ARSG: variants seen among roughly 807,000 people sequenced by gnomAD.
ARSG encodes ASG.
A neutral mutation model predicts 50.5 loss-of-function variants in ARSG; 37 were observed. The observed-to-expected ratio is 0.73, with a 90% CI of 0.56 to 0.96. The LOEUF (loss-of-function observed/expected upper bound fraction) is 0.96, where lower values mean the gene tolerates loss of function less well. Ranked by LOEUF, ARSG falls within the 50% of genes least tolerant of loss-of-function variation. The pLI, the probability that ARSG is intolerant of heterozygous loss-of-function variation, is 0.00. For synonymous variants in ARSG, 225 were observed against 254.6 expected, an observed-to-expected ratio of 0.88 and a Z score of 1.11; for missense variants, 629 against 675.3, an observed-to-expected ratio of 0.93 and a Z score of 0.76.
chr17:68,300,855 TA>T (rs1200195007), intron 1 of ARSG, among the ~76,000 whole-genome samples: 447 of 139,206 alleles, frequency 3.2e-3, no homozygotes, highest in Middle Eastern at 3.7e-3. Context: ...CTCCAAGCTT[TA>T]AAAAAAAAAA....
intron 1 of ARSG, chr17:68,274,117 G>C: frequency 6.3e-7 from 1 of 1,590,340 alleles, no homozygotes; most frequent in Non-Finnish European, 8.6e-7. Flanking sequence ...GAGGCTTCAG[G>C]GTTAGCTGCC....
At chr17:68,308,940 G>A (rs533238895) in intron 2 of ARSG, among the ~76,000 whole-genome samples, 1 of 152,262 alleles carries the variant, frequency 6.6e-6, no homozygotes, top group Admixed American at 6.5e-5. Flanking sequence ...GTGGTCGATG[G>A]GACTGGGCGC....
At chr17:68,425,277 C>T (rs1307437836), downstream of ARSG, among the ~76,000 whole-genome samples, 1 of 152,208 alleles carries the variant, frequency 6.6e-6, no homozygotes, top group African/African-American at 2.4e-5. Flanking sequence ...AATCAGAGCT[C>T]ACTGCAGCCT....
rs377448637 is a variant in ARSG at position 68,273,994 on chromosome 17, G to A, written c.-552+14568G>A. 25 of 1,613,980 alleles carry A rather than the reference G, an allele frequency of 1.5e-5. No homozygotes were observed. The highest frequency in any genetic ancestry group is 8.0e-5 in the African/African-American group (6 of 74,904). ...GTGAGAAGGAGGCGGCCACCATCCC[G>A]GTGCTGACAAGTAGCCCCCCCAACA... On this transcript the variant is annotated intron_variant, in intron 1 of 11. Coordinates refer to the ARSG transcript ENST00000448504.
intron 8 of ARSG, among the ~76,000 whole-genome samples, chr17:68,373,496 T>C (rs1396442871): frequency 6.6e-6 from 1 of 152,196 alleles, no homozygotes; most frequent in Non-Finnish European, 1.5e-5. Flanking sequence ...TCCAAAGTGC[T>C]GGGATTACAG....
chr17:68,343,406 C>T (rs781621176), intron 2 of ARSG, among the ~76,000 whole-genome samples, 198 bp from the exon 3 acceptor site: 44 of 152,332 alleles, frequency 2.9e-4, no homozygotes, highest in Middle Eastern at 3.4e-3. Flanking sequence ...ATCCTCCCAC[C>T]TCGGCCTCTC....
chr17:68,265,794 A>G (rs557122752), intron 1 of ARSG, among the ~76,000 whole-genome samples: 1 of 150,484 alleles, frequency 6.6e-6, no homozygotes, highest in Admixed American at 6.6e-5. Flanking sequence ...GAAAAAAAAT[A>G]TATTTCCTGT....
intron 1 of ARSG, among the ~76,000 whole-genome samples, chr17:68,264,487 T>C (rs78529086): frequency 6.6e-6 from 1 of 152,082 alleles, no homozygotes; most frequent in Non-Finnish European, 1.5e-5. Flanking sequence ...TTGCCCAGGC[T>C]GGGGTACAAT....
Position 68,329,292 on chromosome 17 carries a change from G to A in ARSG, c.219-14312G>A, listed in dbSNP as rs944484756. On this transcript the variant is annotated intron_variant, in intron 2 of 11. Transcript: ENST00000621439. ...GGACGGGAGAGAGCTTGGGGAGGAG[G>A]GGTTTGATGCCACACAGGGTCCAGA... Among the ~76,000 whole-genome samples the A allele has an allele frequency of 5.9e-5, 9 of 152,212 alleles. 1 individual carries two copies. In the East Asian group the frequency reaches 1.3e-3, roughly 23 times the overall value.
intron 2 of ARSG, among the ~76,000 whole-genome samples, chr17:68,309,455 C>T (rs533567920): frequency 9.2e-5 from 14 of 152,360 alleles, no homozygotes; most frequent in African/African-American, 3.1e-4. Flanking sequence ...GGACTGCCAG[C>T]ACGCTGTCAC....
In ARSG at chr17:68,394,983, C is replaced by T; in HGVS notation, c.1092-90C>T. ...CCATAGGAGAGGCTGTGGGTGCTTG[C>T]TCTGGGCTGGTTCAGGTGGGGGTTG... is the stretch of plus-strand genomic sequence containing the variant. On this transcript the variant is annotated intron_variant, in intron 9 of 11. Coordinates refer to ENST00000621439, the MANE Select transcript of ARSG (RefSeq NM_001267727.2). The T allele has an allele frequency of 2.5e-6, 4 of 1,571,584 alleles. No individual in the cohort carries two copies. In the South Asian group the frequency reaches 4.6e-5, roughly 18 times the overall value.
intron 10 of ARSG, among the ~76,000 whole-genome samples, chr17:68,396,885 C>CCTTCTCCCT (rs2081271899): frequency 6.6e-6 from 1 of 152,172 alleles, no homozygotes; most frequent in African/African-American, 2.4e-5. Context: ...CAGGAGCAGC[C>CCTTCTCCCT]AGGCAGGAAG....
At chr17:68,451,021 C>T in the ARSG span, 27 of 1,340,490 alleles carry the variant, frequency 2.0e-5, no homozygotes, top group Admixed American at 6.0e-5. Context: ...GCCGGCCAGG[C>T]GCCCTCTCTG....
chr17:68,281,493 T>C (rs1409685014), intron 1 of ARSG, among the ~76,000 whole-genome samples: 2 of 152,176 alleles, frequency 1.3e-5, no homozygotes, highest in Non-Finnish European at 2.9e-5. Flanking sequence ...GAGACTCACT[T>C]GAACCTGGGA....
chr17:68,432,804 G>GC, the ARSG span, among the ~76,000 whole-genome samples: 25 of 152,130 alleles, frequency 1.6e-4, no homozygotes, highest in South Asian at 1.0e-3. Flanking sequence ...TAGAATCCTT[G>GC]CCCCCCACCG....
At chr17:68,415,313 A>T (rs2082297961) in intron 11 of ARSG, among the ~76,000 whole-genome samples, 1 of 152,126 alleles carries the variant, frequency 6.6e-6, no homozygotes, top group Non-Finnish European at 1.5e-5. Flanking sequence ...TATAATTTCC[A>T]TGTATTTGCA....
At chr17:68,267,759 A>G (rs2075201783) in intron 1 of ARSG, 1 of 152,224 alleles carries the variant, frequency 6.6e-6, no homozygotes, top group African/African-American at 2.4e-5. Context: ...AAAAAAAAGG[A>G]AGAATAAAAC....
chr17:68,411,307 G>C (rs2081985493), intron 11 of ARSG, among the ~76,000 whole-genome samples: 1 of 152,242 alleles, frequency 6.6e-6, no homozygotes, highest in South Asian at 2.1e-4. Flanking sequence ...GCATCCCAGA[G>C]ATTCTGGTAT....
At chr17:68,436,620 C>CTGA in the ARSG span, 1 of 692,150 alleles carries the variant, frequency 1.4e-6, no homozygotes, top group Non-Finnish European at 2.4e-6. Context: ...CTGCTTTCCG[C>CTGA]TGATGATTCT....
Sources: gnomAD v4.1 joint callset for allele counts (sites outside exome capture counted in the v4.1 genomes callset) on GRCh38, gnomAD v4.1.1 for gene constraint, MANE v1.5 for transcripts, NCBI Gene and HGNC (gene_info 2026-07-23, HGNC 2026-07-21) for gene names.